The following SCN11A variants were observed in gnomAD, a reference collection of about 807,000 sequenced individuals.
SCN11A encodes the protein sodium channel protein type 11 subunit alpha.
Under a neutral mutation model 162.2 loss-of-function variants are expected in SCN11A, and 122 were observed. The observed-to-expected ratio is 0.75, with a 90% CI of 0.65 to 0.87. SCN11A has a LOEUF of 0.87. Ranked by LOEUF, SCN11A falls within the 40% of genes least tolerant of loss-of-function variation. The pLI is 0.00. For synonymous variants in SCN11A, 758 were observed against 751.5 expected, an observed-to-expected ratio of 1.01 and a Z score of -0.14; for missense variants, 2,015 against 2,181.6, an observed-to-expected ratio of 0.92 and a Z score of 1.52.
intron 23 of SCN11A, among the ~76,000 whole-genome samples, chr3:38,877,185 T>C (rs1374048691): frequency 1.2e-5 from 1 of 80,256 alleles, no homozygotes; most frequent in African/African-American, 6.0e-5. Flanking sequence ...GGTATATATA[T>C]GGTGTATATA....
chr3:38,878,046 A>G (rs1224103182), intron 23 of SCN11A, among the ~76,000 whole-genome samples: 3 of 151,832 alleles, frequency 2.0e-5, no homozygotes, highest in African/African-American at 7.3e-5. Flanking sequence ...GAGGGATAAA[A>G]GACTACATTA....
intron 2 of SCN11A, among the ~76,000 whole-genome samples, chr3:38,967,907 G>A (rs2066792989): frequency 6.6e-6 from 1 of 152,172 alleles, no homozygotes; most frequent in Admixed American, 6.5e-5. Flanking sequence ...TTCATTCCTT[G>A]TACCTTTTCT....
intron 3 of SCN11A, among the ~76,000 whole-genome samples, chr3:38,959,891 G>A (rs1039073029): frequency 6.6e-6 from 1 of 152,198 alleles, no homozygotes; most frequent in African/African-American, 2.4e-5. Context: ...GTCAATTTCT[G>A]ATTAAATAAA....
chr3:38,907,433 C>G (rs1367771409), intron 14 of SCN11A, among the ~76,000 whole-genome samples: 16 of 151,112 alleles, frequency 1.1e-4, no homozygotes, highest in African/African-American at 3.7e-4. Flanking sequence ...AACTACCTGG[C>G]TTCAGTGGTA....
chr3:38,951,270 G>A (rs867762777), intron 4 of SCN11A, among the ~76,000 whole-genome samples: 2 of 152,232 alleles, frequency 1.3e-5, no homozygotes, highest in African/African-American at 4.8e-5. Context: ...CTGCCGGCCC[G>A]GGCAGTGAGG....
At chr3:38,929,215 A>C (rs897188923) in intron 7 of SCN11A, among the ~76,000 whole-genome samples, 3 of 151,900 alleles carry the variant, frequency 2.0e-5, no homozygotes, top group Non-Finnish European at 2.9e-5. Flanking sequence ...ACAACCTGTC[A>C]GTTCAGAGTA....
At chr3:39,033,124 G>A (rs2031805771) in intron 1 of SCN11A, among the ~76,000 whole-genome samples, 1 of 151,226 alleles carries the variant, frequency 6.6e-6, no homozygotes, top group South Asian at 2.1e-4. Flanking sequence ...CTGCACTCCA[G>A]CCTGGGTAAC....
intron 11 of SCN11A, among the ~76,000 whole-genome samples, chr3:38,915,686 T>C (rs967146588): frequency 6.6e-6 from 1 of 152,002 alleles, no homozygotes; most frequent in Non-Finnish European, 1.5e-5. Flanking sequence ...AAATTTTGGT[T>C]CTTTTGCATT....
intron 2 of SCN11A, among the ~76,000 whole-genome samples, chr3:39,031,678 A>C (rs2031755658): frequency 6.6e-6 from 1 of 152,186 alleles, no homozygotes; most frequent in South Asian, 2.1e-4. Flanking sequence ...ATACTTATAT[A>C]ATCTTGCTTT....
At chr3:38,979,942 G>A (rs1029617569) in intron 2 of SCN11A, among the ~76,000 whole-genome samples, 2 of 152,184 alleles carry the variant, frequency 1.3e-5, no homozygotes, top group Non-Finnish European at 2.9e-5. Flanking sequence ...TGCCCATTCA[G>A]CTTCTTTGCT....
At chr3:38,861,224 T>C (rs181904488) in intron 28 of SCN11A, among the ~76,000 whole-genome samples, 154 of 151,890 alleles carry the variant, frequency 1.0e-3, no homozygotes, top group African/African-American at 3.4e-3. Flanking sequence ...TACAAAACAC[T>C]GCTGAAAAAA....
intron 1 of SCN11A, among the ~76,000 whole-genome samples, chr3:39,049,821 C>T (rs750070206): frequency 6.6e-6 from 1 of 152,156 alleles, no homozygotes; most frequent in Non-Finnish European, 1.5e-5. Flanking sequence ...CTTGCTCTTT[C>T]CATGTCCTTC....
Position 38,952,913 on chromosome 3 carries a change from C to T in SCN11A, c.-8+716G>A, listed in dbSNP as rs538571454. ...GAATGGCCAATAGGGCTTTACTCAG[C>T]AGAGGGAGAGAGTGGGCAGGCCTGT... On this transcript the variant is annotated intron_variant, in intron 4 of 29. Transcript: ENST00000302328. Among the ~76,000 whole-genome samples, 4 of 152,270 alleles carry T rather than the reference C, an allele frequency of 2.6e-5. No homozygotes were observed. The East Asian group carries it at 5.8e-4, about 22-fold the overall frequency.
chr3:39,001,279 T>G (rs1463588294), intron 2 of SCN11A, among the ~76,000 whole-genome samples: 1 of 152,200 alleles, frequency 6.6e-6, no homozygotes, highest in Non-Finnish European at 1.5e-5. Flanking sequence ...ACAAAGCTGA[T>G]CTCCATTCTC....
chr3:38,928,218 A>T (rs940158706), intron 7 of SCN11A, among the ~76,000 whole-genome samples: 1 of 152,360 alleles, frequency 6.6e-6, no homozygotes, highest in African/African-American at 2.4e-5. Flanking sequence ...GAAAAATTTG[A>T]AAGTCATATA....
intron 1 of SCN11A, among the ~76,000 whole-genome samples, chr3:39,033,157 A>AG (rs1317587911): frequency 6.7e-6 from 1 of 149,574 alleles, no homozygotes; most frequent in African/African-American, 2.4e-5. Context: ...CATCTTGAAA[A>AG]AAAAAAAAAG....
At chr3:39,005,861 GTTTTTTGTT>G (rs1231643350) in intron 2 of SCN11A, among the ~76,000 whole-genome samples, 1 of 151,816 alleles carries the variant, frequency 6.6e-6, no homozygotes, top group Non-Finnish European at 1.5e-5. Context: ...TCTCGGATTT[GTTTTTTGTT>G]TTTTTTGTTT....
intron 28 of SCN11A, among the ~76,000 whole-genome samples, chr3:38,851,779 A>G (rs1321881539): frequency 1.8e-4 from 28 of 152,262 alleles, no homozygotes; most frequent in Admixed American, 1.8e-3. Context: ...GGGATCTGTT[A>G]TATAATCCAG....
chr3:38,998,010 GAAGAA>G (rs2030696466), intron 2 of SCN11A, among the ~76,000 whole-genome samples: 1 of 152,168 alleles, frequency 6.6e-6, no homozygotes, highest in South Asian at 2.1e-4. Context: ...TTAAGGATGA[GAAGAA>G]AAGGATTTTC....
Sources: allele counts gnomAD v4.1 joint callset (sites outside exome capture counted in the v4.1 genomes callset), GRCh38; gene constraint gnomAD v4.1.1; transcripts MANE v1.5; gene names NCBI Gene and HGNC (gene_info 2026-07-23, HGNC 2026-07-21).